The following AMD1 variants were observed in gnomAD, a reference collection of about 807,000 sequenced individuals.
AMD1 encodes the protein adenosylmethionine decarboxylase 1.
In AMD1, 11 loss-of-function variants were observed where a neutral mutation model predicts 40.2. That is an observed-to-expected ratio of 0.27 (90% CI 0.17 to 0.45). The LOEUF (loss-of-function observed/expected upper bound fraction) is 0.45, where lower values mean the gene tolerates loss of function less well. Ranked by LOEUF, AMD1 falls within the 20% of genes least tolerant of loss-of-function variation. AMD1 has a pLI of 1.00. For synonymous variants in AMD1, 121 were observed against 130.8 expected, an observed-to-expected ratio of 0.93 and a Z score of 0.51; for missense variants, 257 against 410.2, an observed-to-expected ratio of 0.63 and a Z score of 3.23.
chr6:110,872,161 G>A (rs1433906419), upstream of AMD1, among the ~76,000 whole-genome samples: 1 of 152,178 alleles, frequency 6.6e-6, no homozygotes, highest in Non-Finnish European at 1.5e-5. Context: ...CAAGTGCTAG[G>A]AATAAATACC....
the AMD1 span, among the ~76,000 whole-genome samples, chr6:110,847,432 G>A: frequency 6.6e-6 from 1 of 151,802 alleles, no homozygotes; most frequent in Non-Finnish European, 1.5e-5. Flanking sequence ...GGCTGAGGCA[G>A]GAGAATGGCG....
chr6:110,815,560 T>G, the AMD1 span: 160 of 155,468 alleles, frequency 1.0e-3, no homozygotes, highest in African/African-American at 3.7e-3. Flanking sequence ...GAAATACAGC[T>G]CCCAGGTTAC....
chr6:110,821,433 G>A, the AMD1 span, among the ~76,000 whole-genome samples: 3 of 152,072 alleles, frequency 2.0e-5, no homozygotes, highest in Admixed American at 6.6e-5. Context: ...AGTCAACATG[G>A]TGAAACCCCG....
chr6:110,835,017 T>C, the AMD1 span, among the ~76,000 whole-genome samples: 1 of 139,434 alleles, frequency 7.2e-6, no homozygotes. Flanking sequence ...ATTATGCGGA[T>C]ACTATTTTTT....
upstream of AMD1, among the ~76,000 whole-genome samples, chr6:110,872,077 C>T (rs1784928028): frequency 6.6e-6 from 1 of 152,096 alleles, no homozygotes; most frequent in Admixed American, 6.5e-5. Flanking sequence ...GGATTGAGAC[C>T]ATTCACTGGT....
the AMD1 span, among the ~76,000 whole-genome samples, chr6:110,843,842 C>A: frequency 1.3e-5 from 2 of 152,134 alleles, no homozygotes; most frequent in African/African-American, 4.8e-5. Context: ...CCTGCCTAGG[C>A]CTCCCAAAGT....
the AMD1 span, among the ~76,000 whole-genome samples, chr6:110,858,036 G>A: frequency 6.6e-6 from 1 of 152,004 alleles, no homozygotes; most frequent in South Asian, 2.1e-4. Flanking sequence ...TAGAGACATG[G>A]TTTTGCTATG....
the AMD1 span, among the ~76,000 whole-genome samples, chr6:110,869,515 T>TG: frequency 2.0e-5 from 3 of 150,476 alleles, no homozygotes; most frequent in Non-Finnish European, 4.4e-5. Flanking sequence ...CTTTTTTTTT[T>TG]TTTCTTTTTT....
chr6:110,846,354 A>T, the AMD1 span, among the ~76,000 whole-genome samples: 1 of 152,236 alleles, frequency 6.6e-6, no homozygotes. Flanking sequence ...ATCTAAAATT[A>T]ATTTTTTCCT....
chr6:110,889,352 A>T, intron 3 of AMD1: 1 of 158,226 alleles, frequency 6.3e-6, no homozygotes, highest in Non-Finnish European at 1.4e-5. Flanking sequence ...GAAGAGCAAC[A>T]GTCAGTATTG....
intron 1 of AMD1, among the ~76,000 whole-genome samples, chr6:110,885,561 G>A (rs187729378): frequency 6.4e-4 from 98 of 152,310 alleles, no homozygotes; most frequent in African/African-American, 2.2e-3. Flanking sequence ...CTCCCGAGTA[G>A]CTGGGATTAC....
the AMD1 span, chr6:110,814,638 G>T: frequency 1.7e-5 from 8 of 483,306 alleles, no homozygotes; most frequent in South Asian, 1.2e-4. Flanking sequence ...GGGCCGGAGC[G>T]GCAACTCCGC....
At chr6:110,814,973 C>T in the AMD1 span, 2 of 1,597,328 alleles carry the variant, frequency 1.3e-6, no homozygotes, top group South Asian at 1.1e-5. Context: ...AGGGCGAGGA[C>T]CCGAGCGAGC....
At chr6:110,875,262 C>A in intron 1 of AMD1, 47 bp downstream of exon 1, 1 of 1,472,038 alleles carries the variant, frequency 6.8e-7, no homozygotes, top group Non-Finnish European at 9.3e-7. Flanking sequence ...GGGGCTGTCG[C>A]CGCCGCCGAG....
chr6:110,870,570 G>A (rs151260508), upstream of AMD1, among the ~76,000 whole-genome samples: 981 of 152,282 alleles, frequency 6.4e-3, 5 homozygotes, highest in African/African-American at 0.022. Context: ...GCAACAGTGA[G>A]TTAAGATGGA....
At chr6:110,838,635 G>A in the AMD1 span, among the ~76,000 whole-genome samples, 1 of 151,864 alleles carries the variant, frequency 6.6e-6, no homozygotes, top group African/African-American at 2.4e-5. Flanking sequence ...GAGGTGGGTG[G>A]GTCACCTGAG....
chr6:110,893,612 GTTGA>G lies in AMD1; in HGVS notation c.1004_*2del. 6.2e-7 allele frequency: 1 copy of G among 1,612,536 alleles called. No homozygotes were observed. Among genetic ancestry groups the G allele is most frequent in the Non-Finnish European group, 8.5e-7 (1 of 1,179,778 alleles). On this transcript the variant is annotated frameshift_variant and stop_lost, in exon 9 of 9. Transcript: ENST00000368885. LOFTEE classifies it high-confidence loss of function. ...GCTAAGAAGCAGCAACAACAGCAGA[GTTGA>G]TTAAGAAAAATGAAGAAAAAACGCA...
chr6:110,866,078 A>G, the AMD1 span, among the ~76,000 whole-genome samples: 3 of 152,198 alleles, frequency 2.0e-5, no homozygotes, highest in African/African-American at 7.2e-5. Context: ...TAAATTTTCA[A>G]AAAATTAAAT....
the AMD1 span, chr6:110,815,187 T>G: frequency 6.9e-7 from 1 of 1,452,594 alleles, no homozygotes; most frequent in South Asian, 1.3e-5. Flanking sequence ...CGCCGCTCAG[T>G]CCCTCCTCCT....
Sources: allele counts gnomAD v4.1 joint callset (sites outside exome capture counted in the v4.1 genomes callset), GRCh38; gene constraint gnomAD v4.1.1; transcripts MANE v1.5; gene names NCBI Gene and HGNC (gene_info 2026-07-23, HGNC 2026-07-21).